The following ZNF778 variants were observed in gnomAD, a reference collection of about 807,000 sequenced individuals.
ZNF778 encodes zinc finger protein 778.
Under a neutral mutation model 23.9 loss-of-function variants are expected in ZNF778, and 37 were observed. That is an observed-to-expected ratio of 1.54 (90% CI 1.19 to 2.03). The LOEUF (loss-of-function observed/expected upper bound fraction) is 2.03, where lower values mean the gene tolerates loss of function less well. Ranked by LOEUF, ZNF778 falls within the 30% of genes most tolerant of loss-of-function variation. ZNF778 has a pLI of 0.00. For missense variants in ZNF778, 1,297 were observed against 934.4 expected (o/e 1.39, Z -5.06); for synonymous variants, 483 against 343.9 (o/e 1.40, Z -4.48).
In ZNF778 at chr16:89,234,277, C is replaced by G. The variant is rs889800715; in HGVS notation, c.*5715C>G. The G allele has an allele frequency of 3.1e-5, 11 of 350,354 alleles. 1 individual carries two copies. The highest frequency in any genetic ancestry group is 4.3e-5 in the South Asian group (2 of 46,180). 21.7% of individuals were successfully genotyped at this position (350,354 alleles called of 1,614,324 possible). On this transcript the variant is annotated 3_prime_UTR_variant, in exon 7 of 7. Transcript: ENST00000433976. ...CTTACCCAGCCCAGGGATTCTTGAA[C>G]TATCTGTAGGAACTGCCATGTTGAC...
In ZNF778 at chr16:89,227,481, G is replaced by A; in HGVS notation, c.1193G>A (p.Cys398Tyr). Reference sequence around the variant, plus strand: ...GAGAAGCCCTTTGCATGTGTGGTTTGCGGAAAATATTTTAGAAATTCCTCA... The same window carrying A: ...GAGAAGCCCTTTGCATGTGTGGTTTACGGAAAATATTTTAGAAATTCCTCA... ...TREKPFACVV[C>Y]GKYFRNSSCL... The change falls in exon 7 of 7, where the codon TGC becomes TAC. Residue 398 changes from cysteine to tyrosine, a missense_variant. Transcript: ENST00000433976. The A allele has an allele frequency of 1.9e-6, 3 of 1,613,914 alleles. No homozygotes were observed. The highest frequency in any genetic ancestry group is 1.1e-5 in the South Asian group (1 of 91,074).
intron 3 of ZNF778, among the ~76,000 whole-genome samples, chr16:89,222,915 GCGCGTGACTGGAGGAGCGCGACAGGGCA>G (rs879833941): frequency 3.5e-4 from 53 of 149,718 alleles, no homozygotes; most frequent in Non-Finnish European, 6.6e-4. Flanking sequence ...GCGACAGGGT[GCGCGTGACTGGAGGAGCGCGACAGGGCA>G]CGCGTGACTG....
intron 6 of ZNF778, among the ~76,000 whole-genome samples, 168 bp from the exon 7 acceptor site, chr16:89,226,526 G>A (rs570395113): frequency 5.4e-4 from 82 of 152,336 alleles, no homozygotes; most frequent in Non-Finnish European, 1.0e-3. Context: ...GATTCTTGCA[G>A]TGGGGCTCCT....
Position 89,228,192 on chromosome 16 carries a change from A to C in ZNF778, c.1904A>C (p.His635Pro), listed in dbSNP as rs958761560. 6.2e-7 allele frequency: 1 copy of C among 1,613,520 alleles called. No individual in the cohort carries two copies. The highest frequency in any genetic ancestry group is 2.2e-5 in the East Asian group (1 of 44,836). ...AFTTSSHLIVHIRTHTGEKPY... is the reference protein window; with the variant it reads ...AFTTSSHLIVPIRTHTGEKPY... ...ACCACATCCTCACACCTTATCGTGC[A>C]CATAAGAACCCACACCGGTGAGAAA... The change falls in exon 7 of 7, where the codon CAC (histidine) becomes CCC (proline). Residue 635 changes from histidine (H) to proline (P), a missense_variant. Physicochemically the swap from His to Pro is moderately conservative, Grantham distance 77 (BLOSUM62 -2). Transcript: ENST00000433976.
At position 89,232,757 on chromosome 16, in the gene ZNF778, G is replaced by A. The variant is rs1158615616; in HGVS notation, c.*4195G>A. 6 of 1,286,928 alleles carry A rather than the reference G, an allele frequency of 4.7e-6. No homozygotes were observed. The highest frequency in any genetic ancestry group is 2.1e-4 in the Middle Eastern group (1 of 4,708). 79.7% of individuals were successfully genotyped at this position (1,286,928 alleles called of 1,614,324 possible). Reference sequence around the variant, plus strand: ...ATGGTAAACAACTTGCTGGAAACATGCACTGCATATACAAATCAACTCACT... The same window carrying A: ...ATGGTAAACAACTTGCTGGAAACATACACTGCATATACAAATCAACTCACT... On this transcript the variant is annotated 3_prime_UTR_variant, in exon 7 of 7. Transcript: ENST00000433976.
chr16:89,223,403 G>A (rs1597351307), intron 4 of ZNF778, 120 bp downstream of exon 4: 3 of 1,381,072 alleles, frequency 2.2e-6, no homozygotes, highest in East Asian at 2.3e-5. Flanking sequence ...TATAACAACT[G>A]TGCTAGTAGG....
In ZNF778 at chr16:89,230,870, G is replaced by C. The variant is rs926586648; in HGVS notation, c.*2308G>C. On this transcript the variant is annotated 3_prime_UTR_variant, in exon 7 of 7. Transcript: ENST00000433976. ...TATTACGTGTTTGAAATCCTGGATG[G>C]ACAGACCCGTCCACCTTCATGTCAC... 6.6e-6 allele frequency: 1 copy of C among 152,294 alleles called. No individual in the cohort carries two copies. Among genetic ancestry groups the C allele is most frequent in the African/African-American group, 2.4e-5 (1 of 41,452 alleles). 9.4% of individuals were successfully genotyped at this position (152,294 alleles called of 1,614,324 possible). A position where few individuals can be genotyped will look rare whatever the true frequency, so the allele number is the denominator to read the frequency against.
chr16:89,230,153 TG>T lies in ZNF778; in HGVS notation c.*1592del. 1 of 614,408 alleles carries T rather than the reference TG, an allele frequency of 1.6e-6. No individual in the cohort carries two copies. Among genetic ancestry groups the T allele is most frequent in the Non-Finnish European group, 2.0e-6 (1 of 492,302 alleles). The allele number at this position is 614,408 out of a possible 1,614,324, so 38.1% of individuals were successfully genotyped here. On this transcript the variant is annotated 3_prime_UTR_variant, in exon 7 of 7. Transcript: ENST00000433976. ...GGGCATAACACAGCTCTACATTTTA[TG>T]AAAATGCCCTTGTTCCTCTCCCATA...
chr16:89,233,900 C>A lies in ZNF778; in HGVS notation c.*5338C>A. ...CAGTATTTCTCCTCCCTGAAGTCAG[C>A]CCAGGATGAGGCACTAGACAGCAGG... On this transcript the variant is annotated 3_prime_UTR_variant, in exon 7 of 7. Transcript: ENST00000433976. The A allele has an allele frequency of 1.0e-5, 13 of 1,289,528 alleles. No homozygotes were observed. The highest frequency in any genetic ancestry group is 1.3e-5 in the Non-Finnish European group (13 of 988,922). The allele number at this position is 1,289,528 out of a possible 1,614,324, so 79.9% of individuals were successfully genotyped here.
chr16:89,233,600 A>G lies in ZNF778; in HGVS notation c.*5038A>G, dbSNP rs202032741. 0.048 allele frequency: 54,507 copies of G among 1,130,264 alleles called. 1,697 individuals carry two copies. The highest frequency in any genetic ancestry group is 0.2 in the East Asian group (3,194 of 16,324). The allele number at this position is 1,130,264 out of a possible 1,614,324, so 70.0% of individuals were successfully genotyped here. A position where few individuals can be genotyped will look rare whatever the true frequency, so the allele number is the denominator to read the frequency against. On this transcript the variant is annotated 3_prime_UTR_variant, in exon 7 of 7. Coordinates refer to ENST00000433976, the MANE Select transcript of ZNF778 (RefSeq NM_001201407.2). ...CTGCATATGCAACGCAACTCAACTC[A>G]TACTGCATATGCAACTCAACTCACA... is the stretch of plus-strand genomic sequence containing the variant.
rs368050427 is a variant in ZNF778, at chr16:89,233,939, C to T, written c.*5377C>T. 2 of 1,285,222 alleles carry T rather than the reference C, an allele frequency of 1.6e-6. No homozygotes were observed. The highest frequency in any genetic ancestry group is 5.6e-5 in the East Asian group (1 of 18,014). 79.6% of individuals were successfully genotyped at this position (1,285,222 alleles called of 1,614,324 possible). On this transcript the variant is annotated 3_prime_UTR_variant, in exon 7 of 7. Coordinates refer to ENST00000433976, the MANE Select transcript of ZNF778 (RefSeq NM_001201407.2). ...CTAGACAGCAGGACATGCTGTATGC[C>T]CTTGGGCCTGCTGGAAGTATGCAGA... is the stretch of plus-strand genomic sequence containing the variant.
At position 89,224,754 on chromosome 16, in the gene ZNF778, C is replaced by T. The variant is rs1298205879; in HGVS notation, c.280C>T (p.Leu94=). 7.2e-6 allele frequency: 11 copies of T among 1,534,958 alleles called. No individual in the cohort carries two copies. The highest frequency in any genetic ancestry group is 9.6e-6 in the Non-Finnish European group (11 of 1,146,532). Residue 94 remains leucine (L), a synonymous_variant, in exon 5 of 7, where the codon CTG becomes TTG. Coordinates refer to ENST00000433976, the MANE Select transcript of ZNF778 (RefSeq NM_001201407.2). The part of the protein sequence containing the change: ...HLFQPSVIYW[L]EQEEELRAGR... ...GTTCCAACCCAGTGTGATCTATTGG[C>T]TGGAGCAGGAAGAGGAGTTGAGGGC...
chr16:89,228,312 G>A lies in ZNF778; in HGVS notation c.2024G>A (p.Cys675Tyr). 6.2e-7 allele frequency: 1 copy of A among 1,606,854 alleles called. No homozygotes were observed. Reference sequence around the variant, plus strand: ...CACACAGGAGAGAAACCTTACATATGTAACGAGTGTGGGAAAGCCTTCCGT... The same window carrying A: ...CACACAGGAGAGAAACCTTACATATATAACGAGTGTGGGAAAGCCTTCCGT... ...RTHTGEKPYI[C>Y]NECGKAFRAS... Residue 675 changes from cysteine (C) to tyrosine (Y), a missense_variant, in exon 7 of 7, where the codon TGT (cysteine) becomes TAT (tyrosine). Transcript: ENST00000433976.
At position 89,228,177 on chromosome 16, in the gene ZNF778, C is replaced by G. The variant is rs564931499; in HGVS notation, c.1889C>G (p.Ser630Ter). The G allele has an allele frequency of 4.3e-6, 7 of 1,613,496 alleles. No homozygotes were observed. The highest frequency in any genetic ancestry group is 5.9e-6 in the Non-Finnish European group (7 of 1,179,590). ...KVCGKAFTTS[S>*]HLIVHIRTHT... ...TGCGGAAAGGCCTTCACCACATCCT[C>G]ACACCTTATCGTGCACATAAGAACC... Residue 630 changes from serine to a stop codon, truncating the protein, a stop_gained, in exon 7 of 7, where the codon TCA becomes TGA. Coordinates refer to ENST00000433976, the MANE Select transcript of ZNF778 (RefSeq NM_001201407.2). LOFTEE classifies it low-confidence loss of function (END_TRUNC).
chr16:89,229,386 G>A lies in ZNF778; in HGVS notation c.*824G>A. 2.0e-6 allele frequency: 2 copies of A among 984,580 alleles called. No individual in the cohort carries two copies. Among genetic ancestry groups the A allele is most frequent in the Non-Finnish European group, 2.4e-6 (2 of 829,690 alleles). The allele number at this position is 984,580 out of a possible 1,614,324, so 61.0% of individuals were successfully genotyped here. On this transcript the variant is annotated 3_prime_UTR_variant, in exon 7 of 7. Transcript: ENST00000433976. ...GAGCACTGTAGGCTCTGGTTGGTTAGTCTTGAGGATCCAGATGTGATTCTG... is the reference window on the plus strand; with the variant it reads ...GAGCACTGTAGGCTCTGGTTGGTTAATCTTGAGGATCCAGATGTGATTCTG...
chr16:89,221,888 G>T lies in ZNF778; in HGVS notation c.26-204G>T, dbSNP rs140930079. ...TGTGTGTGTGTTTTCCTGAGGTACT[G>T]TATGGCTTTGTGTGTGTGTTTTCCT... On this transcript the variant is annotated intron_variant, in intron 2 of 6. Transcript: ENST00000433976. 5.8e-4 allele frequency among the ~76,000 whole-genome samples: 88 copies of T among 151,874 alleles called. 1 individual carries two copies. The highest frequency in any genetic ancestry group is 2.1e-3 in the African/African-American group (87 of 41,380).
intron 3 of ZNF778, among the ~76,000 whole-genome samples, chr16:89,222,576 C>G (rs1348665340): frequency 6.6e-6 from 1 of 152,186 alleles, no homozygotes; most frequent in East Asian, 1.9e-4. Context: ...GTTGGCCAGG[C>G]TGGTCTTGAA....
chr16:89,231,242 G>A lies in ZNF778; in HGVS notation c.*2680G>A, dbSNP rs2031909399. The A allele has an allele frequency of 6.6e-6, 1 of 152,282 alleles. No individual in the cohort carries two copies. Among genetic ancestry groups the A allele is most frequent in the African/African-American group, 2.4e-5 (1 of 41,464 alleles). 9.4% of individuals were successfully genotyped at this position (152,282 alleles called of 1,614,324 possible). On this transcript the variant is annotated 3_prime_UTR_variant, in exon 7 of 7. Transcript: ENST00000433976. ...TGTAGCGGCTCCTGGACTGGTCTCA[G>A]GTGACATCCTGATTGGCTGAAATAA...
At position 89,232,701 on chromosome 16, in the gene ZNF778, C is replaced by CCGTCCCTCTCAGGCTAGAT. The variant is rs1254073382; in HGVS notation, c.*4141_*4159dup. 5 of 1,263,590 alleles carry CCGTCCCTCTCAGGCTAGAT rather than the reference C, an allele frequency of 4.0e-6. No homozygotes were observed. In the Admixed American group the frequency reaches 1.2e-4, roughly 30 times the overall value. 78.3% of individuals were successfully genotyped at this position (1,263,590 alleles called of 1,614,324 possible). ...CTGGGGTCTTGCTGTGGGGGCTAGA[C>CCGTCCCTCTCAGGCTAGAT]CGTCCCTCTCAGGCTAGATCATTCC... On this transcript the variant is annotated 3_prime_UTR_variant, in exon 7 of 7. Transcript: ENST00000433976.
Sources: allele counts gnomAD v4.1 joint callset (sites outside exome capture counted in the v4.1 genomes callset), GRCh38; gene constraint gnomAD v4.1.1; transcripts MANE v1.5; gene names NCBI Gene and HGNC (gene_info 2026-07-23, HGNC 2026-07-21).